KATNAL2: variants seen among roughly 807,000 people sequenced by gnomAD.
KATNAL2 encodes the protein katanin catalytic subunit A1 like 2, also known as katanin p60 ATPase-containing subunit A-like 2.
KATNAL2 carries 52 observed loss-of-function variants against 76.3 expected under a neutral mutation model. That is an observed-to-expected ratio of 0.68 (90% confidence interval 0.55 to 0.86). The LOEUF is 0.86. Among genes scored for constraint, KATNAL2 ranks in the 40% least tolerant of loss-of-function variants. The pLI is 0.00. For synonymous variants in KATNAL2, 243 were observed against 244.2 expected, an observed-to-expected ratio of 1.00 and a Z score of 0.05; for missense variants, 660 against 668.9, an observed-to-expected ratio of 0.99 and a Z score of 0.15.
In KATNAL2 at chr18:47,101,313, T is replaced by C. The variant is rs2063435441; in HGVS notation, c.*308T>C. 2 of 255,370 alleles carry C rather than the reference T, an allele frequency of 7.8e-6. No homozygotes were observed. The highest frequency in any genetic ancestry group is 7.7e-6 in the Non-Finnish European group (1 of 129,034). 15.8% of individuals were successfully genotyped at this position (255,370 alleles called of 1,614,324 possible). ...AACAATTTTCTGTAATGTTACTCATTTGTAAACTTTTTAAGAAAAAGATGT... is the reference window on the plus strand; with the variant it reads ...AACAATTTTCTGTAATGTTACTCATCTGTAAACTTTTTAAGAAAAAGATGT... On this transcript the variant is annotated 3_prime_UTR_variant, in exon 18 of 18. Transcript: ENST00000683218.
intron 6 of KATNAL2, among the ~76,000 whole-genome samples, chr18:47,056,639 C>G (rs539296643): frequency 6.6e-6 from 1 of 152,186 alleles, no homozygotes; most frequent in African/African-American, 2.4e-5. Flanking sequence ...ATCCTCAGAA[C>G]CAATTTAAAA....
chr18:46,942,984 A>G (rs1253520325), intron 1 of KATNAL2, among the ~76,000 whole-genome samples: 1 of 152,042 alleles, frequency 6.6e-6, no homozygotes, highest in Admixed American at 6.5e-5. Flanking sequence ...TATCCTTTTG[A>G]GGTTTGTTTT....
chr18:46,968,238 A>G (rs1270315516), intron 3 of KATNAL2, among the ~76,000 whole-genome samples: 1,524 of 119,916 alleles, frequency 0.013, 516 homozygotes, highest in African/African-American at 0.046. Context: ...TTTCCCTAAA[A>G]GAAAACACCA....
intron 1 of KATNAL2, among the ~76,000 whole-genome samples, chr18:46,923,760 C>T (rs1412249537): frequency 1.3e-5 from 2 of 152,178 alleles, no homozygotes; most frequent in African/African-American, 2.4e-5. Flanking sequence ...TTTTAATGAT[C>T]GACATTCTAA....
intron 3 of KATNAL2, among the ~76,000 whole-genome samples, chr18:47,031,385 A>C (rs1390574492): frequency 1.3e-5 from 2 of 151,556 alleles, no homozygotes. Flanking sequence ...CGTAATTTTT[A>C]ATTTCTCGTG....
At chr18:46,918,533 C>T (rs1258008357) in intron 1 of KATNAL2, among the ~76,000 whole-genome samples, 1 of 152,158 alleles carries the variant, frequency 6.6e-6, no homozygotes, top group Non-Finnish European at 1.5e-5. Flanking sequence ...CGGCTCACCG[C>T]AATGTCTGCC....
rs1237933015 is a variant in KATNAL2 at position 47,035,414 on chromosome 18, G to A, written c.52-11043G>A. The A allele has an allele frequency of 4.1e-6, 6 of 1,469,120 alleles. No homozygotes were observed. In the African/African-American group the frequency reaches 5.7e-5, roughly 14 times the overall value. 91.0% of individuals were successfully genotyped at this position (1,469,120 alleles called of 1,614,324 possible). A position where few individuals can be genotyped will look rare whatever the true frequency, so the allele number is the denominator to read the frequency against. ...GGAGTCACAGCCTGGAGCGAGCTGGGTCCTCGGAGCAGCAGGCCACTTGGT... is the reference window on the plus strand; with the variant it reads ...GGAGTCACAGCCTGGAGCGAGCTGGATCCTCGGAGCAGCAGGCCACTTGGT... On this transcript the variant is annotated intron_variant, in intron 3 of 17. Coordinates refer to ENST00000683218, the MANE Select transcript of KATNAL2 (RefSeq NM_001387690.1).
intron 13 of KATNAL2, among the ~76,000 whole-genome samples, chr18:47,074,870 G>A (rs1388575695): frequency 6.6e-6 from 1 of 152,098 alleles, no homozygotes. Context: ...ACCTCCCATT[G>A]TTCCCAAAGA....
At chr18:46,940,326 A>G (rs1191996764) in intron 1 of KATNAL2, among the ~76,000 whole-genome samples, 1 of 152,140 alleles carries the variant, frequency 6.6e-6, no homozygotes, top group African/African-American at 2.4e-5. Context: ...ACCAGATTTC[A>G]CTCTGTTTGT....
Position 47,087,834 on chromosome 18 carries a change from A to G in KATNAL2, c.1211+10373A>G, listed in dbSNP as rs535270633. Among the ~76,000 whole-genome samples the G allele has an allele frequency of 2.0e-5, 3 of 152,000 alleles. No individual in the cohort carries two copies. The East Asian group carries it at 5.8e-4, about 29-fold the overall frequency. On this transcript the variant is annotated intron_variant, in intron 15 of 17. Coordinates refer to ENST00000683218, the MANE Select transcript of KATNAL2 (RefSeq NM_001387690.1). ...ATGCGTTGTCCTGTAGATACAAGTG[A>G]TATTTGTTCTATGGCCTGTTTTTTT...
At position 47,033,628 on chromosome 18, in the gene KATNAL2, T is replaced by G. The variant is rs965703219; in HGVS notation, c.52-12829T>G. ...AACCCAGTAGGGGACCTCTCCCACGTCGCTGAGGGCGTCCGGATTGTTTCT... is the reference window on the plus strand; with the variant it reads ...AACCCAGTAGGGGACCTCTCCCACGGCGCTGAGGGCGTCCGGATTGTTTCT... On this transcript the variant is annotated intron_variant, in intron 3 of 17. Transcript: ENST00000683218. 10 of 1,614,094 alleles carry G rather than the reference T, an allele frequency of 6.2e-6. No homozygotes were observed. In the African/African-American group the frequency reaches 1.3e-4, roughly 22 times the overall value.
chr18:47,054,067 G>T (rs988851042), intron 5 of KATNAL2, among the ~76,000 whole-genome samples: 2 of 152,194 alleles, frequency 1.3e-5, no homozygotes, highest in African/African-American at 4.8e-5. Flanking sequence ...GCAGCAAAAT[G>T]GTGTCAAGTT....
At chr18:47,096,426 C>T (rs1440081576) in intron 15 of KATNAL2, among the ~76,000 whole-genome samples, 1 of 152,130 alleles carries the variant, frequency 6.6e-6, no homozygotes, top group Non-Finnish European at 1.5e-5. Context: ...ACTACAACCT[C>T]GGCTTCCTGG....
chr18:46,956,208 GT>G (rs2059741913), intron 3 of KATNAL2, among the ~76,000 whole-genome samples: 1 of 152,082 alleles, frequency 6.6e-6, no homozygotes, highest in Non-Finnish European at 1.5e-5. Flanking sequence ...TTATATCTTG[GT>G]TTTCACCGAT....
chr18:46,920,289 G>A (rs1444440332), intron 1 of KATNAL2: 4 of 351,748 alleles, frequency 1.1e-5, no homozygotes, highest in Non-Finnish European at 2.3e-5. Context: ...AGTAGATCAA[G>A]TGTGGACCCG....
At chr18:46,954,304 CCTT>C (rs1158582081) in intron 3 of KATNAL2, among the ~76,000 whole-genome samples, 37 of 149,632 alleles carry the variant, frequency 2.5e-4, no homozygotes, top group African/African-American at 6.9e-4. Context: ...GTTTTCTTCT[CCTT>C]CTTCTTCTTC....
intron 2 of KATNAL2, 119 bp from the exon 3 acceptor site, chr18:46,946,735 A>C: frequency 8.9e-7 from 1 of 1,129,156 alleles, no homozygotes; most frequent in Non-Finnish European, 1.3e-6. Flanking sequence ...TTCTGTGGCC[A>C]GCGATTGGCG....
At chr18:47,038,271 T>C (rs1278236607) in intron 3 of KATNAL2, among the ~76,000 whole-genome samples, 1 of 152,222 alleles carries the variant, frequency 6.6e-6, no homozygotes, top group Non-Finnish European at 1.5e-5. Flanking sequence ...TTTTGCTTTC[T>C]TATTTATCCT....
rs2061420895 is a variant in KATNAL2 at position 47,054,588 on chromosome 18, TTACAGC to T, written c.332+152_332+157del. 4.1e-6 allele frequency: 3 copies of T among 738,788 alleles called. No homozygotes were observed. The South Asian group carries it at 5.3e-5, about 13-fold the overall frequency. The allele number at this position is 738,788 out of a possible 1,614,324, so 45.8% of individuals were successfully genotyped here. A position where few individuals can be genotyped will look rare whatever the true frequency, so the allele number is the denominator to read the frequency against. ...CTGGCCCAGCCCAGGACTTCTCTCA[TTACAGC>T]TGCCCCAGATTTGGGCCAATGTCCG... On this transcript the variant is annotated intron_variant, in intron 6 of 17. Coordinates refer to ENST00000683218, the MANE Select transcript of KATNAL2 (RefSeq NM_001387690.1).
Sources: allele counts gnomAD v4.1 joint callset (sites outside exome capture counted in the v4.1 genomes callset), GRCh38; gene constraint gnomAD v4.1.1; transcripts MANE v1.5; gene names NCBI Gene and HGNC (gene_info 2026-07-23, HGNC 2026-07-21).